GPR137: variants seen among roughly 807,000 people sequenced by gnomAD.
GPR137 encodes the protein integral membrane protein GPR137.
GPR137 carries 20 observed loss-of-function variants against 38.9 expected under a neutral mutation model. The observed-to-expected ratio is 0.51, with a 90% confidence interval of 0.36 to 0.75. The LOEUF (loss-of-function observed/expected upper bound fraction) is 0.75. Ranked by LOEUF, GPR137 falls within the 30% of genes least tolerant of loss-of-function variation. The pLI, the probability that GPR137 is intolerant of heterozygous loss-of-function variation, is 0.00. For missense variants in GPR137, 456 were observed against 526.4 expected (o/e 0.87, Z 1.31); for synonymous variants, 226 against 235.8 (o/e 0.96, Z 0.38).
Position 64,288,970 on chromosome 11 carries a change from C to G in GPR137, c.1032-67C>G, listed in dbSNP as rs1387319466. The G allele has an allele frequency of 6.8e-7, 1 of 1,464,670 alleles. No individual in the cohort carries two copies. The highest frequency in any genetic ancestry group is 9.0e-7 in the Non-Finnish European group (1 of 1,110,464). The allele number at this position is 1,464,670 out of a possible 1,614,324, so 90.7% of individuals were successfully genotyped here. A position where few individuals can be genotyped will look rare whatever the true frequency, so the allele number is the denominator to read the frequency against. On this transcript the variant is annotated intron_variant, in intron 6 of 6. Transcript: ENST00000438980. The surrounding 1 kb of genome is among the most constrained non-coding windows in gnomAD (Gnocchi z 5.5). ...GGGGTTCTGTTCTAAGCCTGTCTTCCTCCTGCAGCTCTTGTGACTGTGGCC... is the reference window on the plus strand; with the variant it reads ...GGGGTTCTGTTCTAAGCCTGTCTTCGTCCTGCAGCTCTTGTGACTGTGGCC...
In GPR137 at chr11:64,286,323, T is replaced by G; in HGVS notation, c.-202T>G. The G allele has an allele frequency of 2.1e-6, 3 of 1,406,610 alleles. No homozygotes were observed. Among genetic ancestry groups the G allele is most frequent in the Non-Finnish European group, 2.8e-6 (3 of 1,086,082 alleles). The allele number at this position is 1,406,610 out of a possible 1,614,324, so 87.1% of individuals were successfully genotyped here. A position where few individuals can be genotyped will look rare whatever the true frequency, so the allele number is the denominator to read the frequency against. On this transcript the variant is annotated 5_prime_UTR_variant, in exon 1 of 7. Transcript: ENST00000438980. ...CTTCCATGCCCCTGAGTGAGGGGCC[T>G]GGGGCCCAGGCTGCCTGTGTTCCCC...
chr11:64,288,825 CT>C lies in GPR137; in HGVS notation c.1031+105del. Reference sequence around the variant, plus strand: ...GATAGCCGGGTCTTGCCTTCCACCCCTGCCATGGCCTTTGCTTCCCCATCTG... The same window carrying C: ...GATAGCCGGGTCTTGCCTTCCACCCCGCCATGGCCTTTGCTTCCCCATCTG... On this transcript the variant is annotated intron_variant, in intron 6 of 6. Coordinates refer to ENST00000438980, the MANE Select transcript of GPR137 (RefSeq NM_001170880.2). This position sits in a 1 kb window ranked among gnomAD's most constrained non-coding sequence, Gnocchi z 5.5. 1 of 1,448,458 alleles carries C rather than the reference CT, an allele frequency of 6.9e-7. No homozygotes were observed. Among genetic ancestry groups the C allele is most frequent in the Non-Finnish European group, 9.0e-7 (1 of 1,105,996 alleles). 89.7% of individuals were successfully genotyped at this position (1,448,458 alleles called of 1,614,324 possible).
chr11:64,274,992 CA>C (rs34418386), upstream of GPR137, among the ~76,000 whole-genome samples: 20,132 of 53,376 alleles, frequency 0.38, 1,306 homozygotes, highest in East Asian at 0.55. Context: ...GACTTTGTCT[CA>C]AAAAAAAAAA....
Position 64,289,183 on chromosome 11 carries a change from C to T in GPR137, c.1178C>T (p.Thr393Ile), listed in dbSNP as rs1378691774. ...GGCCACCACCACAGTCTCTACTCCA[C>T]CCCACAGACGTGATCCCCCTCCCTC... ...PGGHHHSLYS[T>I]PQT The change falls in exon 7 of 7, where the codon ACC becomes ATC. Residue 393 changes from threonine to isoleucine, a missense_variant. Physicochemically the swap from Thr to Ile is moderately conservative, Grantham distance 89 (BLOSUM62 -1). Coordinates refer to ENST00000438980, the MANE Select transcript of GPR137 (RefSeq NM_001170880.2). 4.3e-6 allele frequency: 7 copies of T among 1,613,282 alleles called. No homozygotes were observed. Among genetic ancestry groups the T allele is most frequent in the Non-Finnish European group, 5.9e-6 (7 of 1,179,412 alleles).
chr11:64,276,619 G>A, intron 2 of GPR137: 1 of 331,250 alleles, frequency 3.0e-6, no homozygotes, highest in Non-Finnish European at 5.6e-6. Flanking sequence ...GAGCCACGGT[G>A]CCCAGCCCTA....
intron 2 of GPR137, among the ~76,000 whole-genome samples, chr11:64,277,857 G>A (rs2033174677): frequency 2.0e-5 from 3 of 152,208 alleles, no homozygotes; most frequent in Admixed American, 2.0e-4. Context: ...AGAGCTGAAA[G>A]GAAACCATAA....
upstream of GPR137, among the ~76,000 whole-genome samples, chr11:64,282,211 T>A (rs1291204048): frequency 6.6e-6 from 1 of 152,126 alleles, no homozygotes; most frequent in African/African-American, 2.4e-5. Flanking sequence ...GAGCACTCAC[T>A]GTGTGGCGCG....
At chr11:64,280,542 G>T (rs1254159359), upstream of GPR137, among the ~76,000 whole-genome samples, 2 of 149,016 alleles carry the variant, frequency 1.3e-5, no homozygotes. Flanking sequence ...TAGTAGAGAC[G>T]GGGTTTCACC....
At chr11:64,282,960 G>A (rs531747204), upstream of GPR137, among the ~76,000 whole-genome samples, 1 of 151,832 alleles carries the variant, frequency 6.6e-6, no homozygotes, top group Non-Finnish European at 1.5e-5. Context: ...CCAGTTACGT[G>A]GGAGGATCAC....
upstream of GPR137, among the ~76,000 whole-genome samples, chr11:64,281,089 T>A (rs1273137790): frequency 1.3e-5 from 2 of 152,152 alleles, no homozygotes; most frequent in Non-Finnish European, 1.5e-5. Flanking sequence ...TGCCTCAGCC[T>A]CCAGAGTAGC....
At chr11:64,278,167 G>A (rs530688729) in intron 2 of GPR137, among the ~76,000 whole-genome samples, 4 of 151,916 alleles carry the variant, frequency 2.6e-5, no homozygotes, top group African/African-American at 4.8e-5. Context: ...GGTGGCGTGC[G>A]CCTGTAGTCC....
intron 2 of GPR137, chr11:64,287,274 G>C (rs1403900253): frequency 3.0e-6 from 3 of 985,248 alleles, no homozygotes; most frequent in Non-Finnish European, 3.6e-6. Context: ...CGAGCTGGAG[G>C]CTCCAGCCCA....
rs1399308640 is a variant in GPR137 at position 64,287,950 on chromosome 11, G to C, written c.633+4G>C. On this transcript the variant is annotated splice_donor_region_variant and intron_variant, in intron 3 of 6. Transcript: ENST00000438980. ...TAGCATCTACCTGGAGGCCAAGGTAGGGCTGCAGCACTGATGCCCAGGTGT... is the reference window on the plus strand; with the variant it reads ...TAGCATCTACCTGGAGGCCAAGGTACGGCTGCAGCACTGATGCCCAGGTGT... 1 of 1,601,352 alleles carries C rather than the reference G, an allele frequency of 6.2e-7. No individual in the cohort carries two copies. The highest frequency in any genetic ancestry group is 1.1e-5 in the South Asian group (1 of 91,076).
upstream of GPR137, chr11:64,284,085 C>A: frequency 7.0e-7 from 1 of 1,426,956 alleles, no homozygotes; most frequent in Non-Finnish European, 9.4e-7. Context: ...TGGGGACCGA[C>A]CCAAAGCATT....
intron 2 of GPR137, among the ~76,000 whole-genome samples, chr11:64,277,986 G>T (rs1394159281): frequency 1.3e-5 from 2 of 151,986 alleles, no homozygotes; most frequent in African/African-American, 4.8e-5. Flanking sequence ...TTGGATTTTT[G>T]TCCATAACTT....
In GPR137 at chr11:64,285,876, C is replaced by T; in HGVS notation, c.-649C>T. ...GCAGCGGGAGCCGGGGAGCCGGAGCCCCGGGTCCCCACGACCTGAGCCGGC... is the reference window on the plus strand; with the variant it reads ...GCAGCGGGAGCCGGGGAGCCGGAGCTCCGGGTCCCCACGACCTGAGCCGGC... On this transcript the variant is annotated 5_prime_UTR_variant, in exon 1 of 7. Transcript: ENST00000438980. 3 of 976,832 alleles carry T rather than the reference C, an allele frequency of 3.1e-6. No individual in the cohort carries two copies. The highest frequency in any genetic ancestry group is 3.6e-6 in the Non-Finnish European group (3 of 822,098). The allele number at this position is 976,832 out of a possible 1,614,324, so 60.5% of individuals were successfully genotyped here.
rs2034068413 is a variant in GPR137, at chr11:64,286,447, C to G, written c.-78C>G. 6.5e-7 allele frequency: 1 copy of G among 1,538,348 alleles called. No homozygotes were observed. Among genetic ancestry groups the G allele is most frequent in the Admixed American group, 1.9e-5 (1 of 52,046 alleles). On this transcript the variant is annotated 5_prime_UTR_variant, in exon 1 of 7. Transcript: ENST00000438980. Reference sequence around the variant, plus strand: ...CCCTCTCTGCACCCTGCAATTCCCACCCCTCCGTATTTATTTCCCTGGTCC... The same window carrying G: ...CCCTCTCTGCACCCTGCAATTCCCAGCCCTCCGTATTTATTTCCCTGGTCC...
chr11:64,284,787 C>T (rs1387157810), upstream of GPR137: 1 of 1,530,726 alleles, frequency 6.5e-7, no homozygotes, highest in Admixed American at 2.0e-5. Flanking sequence ...CGGGGTCAAC[C>T]CGGCCCGGCC....
At chr11:64,272,265 G>A (rs2032688534), upstream of GPR137, among the ~76,000 whole-genome samples, 1 of 151,814 alleles carries the variant, frequency 6.6e-6, no homozygotes, top group African/African-American at 2.4e-5. Flanking sequence ...GTCGCAGTGA[G>A]CCGAGATCAC....
Sources: allele counts gnomAD v4.1 joint callset (sites outside exome capture counted in the v4.1 genomes callset), GRCh38; gene constraint gnomAD v4.1.1; non-coding constraint Gnocchi (gnomAD v3.1); transcripts MANE v1.5; gene names NCBI Gene and HGNC (gene_info 2026-07-23, HGNC 2026-07-21).